Variants in ZNF665 observed in about 807,000 individuals in gnomAD.
ZNF665 encodes zinc finger protein 665.
ZNF665 carries 6 observed loss-of-function variants against 7.9 expected under a neutral mutation model. That is an observed-to-expected ratio of 0.76 (90% confidence interval 0.42 to 1.50). The LOEUF is 1.50. Ranked by LOEUF, ZNF665 falls within the 40% of genes most tolerant of loss-of-function variation. ZNF665 has a pLI of 0.01. For synonymous variants in ZNF665, 242 were observed against 274.5 expected, an observed-to-expected ratio of 0.88 and a Z score of 1.17; for missense variants, 819 against 806.7, an observed-to-expected ratio of 1.02 and a Z score of -0.18.
At chr19:53,183,528 T>C (rs999188248) in intron 1 of ZNF665, among the ~76,000 whole-genome samples, 2 of 151,874 alleles carry the variant, frequency 1.3e-5, no homozygotes, top group South Asian at 2.1e-4. Flanking sequence ...CCCCCCACCT[T>C]CTGGCTGTAC....
At chr19:53,191,172 A>G (rs1016394204) in intron 1 of ZNF665, among the ~76,000 whole-genome samples, 1 of 152,218 alleles carries the variant, frequency 6.6e-6, no homozygotes, top group Non-Finnish European at 1.5e-5. Context: ...ATTGAATTAA[A>G]TTATTGGACA....
rs907000267 is a variant in ZNF665 at position 53,163,235 on chromosome 19, G to A, written c.*1218C>T. 4 of 152,122 alleles carry A rather than the reference G, an allele frequency of 2.6e-5. No individual in the cohort carries two copies. The highest frequency in any genetic ancestry group is 7.2e-5 in the African/African-American group (3 of 41,408). The allele number at this position is 152,122 out of a possible 1,614,324, so 9.4% of individuals were successfully genotyped here. ...TTTAGTAGAGATGGGGTTTCTCCAT[G>A]TTGGTCAGGCTGGTCTCGAACTCCC... On this transcript the variant is annotated 3_prime_UTR_variant, in exon 4 of 4. Coordinates refer to ENST00000396424, the MANE Select transcript of ZNF665 (RefSeq NM_024733.5).
intron 3 of ZNF665, among the ~76,000 whole-genome samples, chr19:53,169,533 TTTA>T (rs1338940336): frequency 6.6e-6 from 1 of 152,154 alleles, no homozygotes; most frequent in Non-Finnish European, 1.5e-5. Flanking sequence ...TATTTCTTTT[TTTA>T]TTATTATTAC....
chr19:53,176,974 C>T (rs900413771), intron 2 of ZNF665, among the ~76,000 whole-genome samples: 39 of 152,086 alleles, frequency 2.6e-4, no homozygotes, highest in African/African-American at 8.9e-4. Flanking sequence ...ACAAAAATAG[C>T]CAGGTGTGGT....
chr19:53,165,686 G>T lies in ZNF665; in HGVS notation c.804C>A (p.Gly268=), dbSNP rs79950138. Residue 268 remains glycine (G), a synonymous_variant, in exon 4 of 4, where the codon GGC becomes GGA. Coordinates refer to ENST00000396424, the MANE Select transcript of ZNF665 (RefSeq NM_024733.5). ...GEKPYKCNEC[G]KAFRAHSKLT... is the part of the protein sequence containing the mutation. Reference sequence around the variant, plus strand: ...GTTTTGAATGTGCTCTAAAGGCTTTGCCACACTCATTACACTTGTAAGGTT... The same window carrying T: ...GTTTTGAATGTGCTCTAAAGGCTTTTCCACACTCATTACACTTGTAAGGTT... 5,040 of 1,613,900 alleles carry T rather than the reference G, an allele frequency of 3.1e-3. 146 individuals are homozygous for T. In the African/African-American group the frequency reaches 0.059, roughly 19 times the overall value.
In ZNF665 at chr19:53,175,711, T is replaced by C. The variant is rs963665876; in HGVS notation, c.16-140A>G. On this transcript the variant is annotated intron_variant, in intron 2 of 3. Coordinates refer to ENST00000396424, the MANE Select transcript of ZNF665 (RefSeq NM_024733.5). ...ACATCCAGGCTGTGATCACGGTACA[T>C]ACAGATTTGATCTTCCTCCCCTTTT... 1.6e-5 allele frequency: 15 copies of C among 952,280 alleles called. 1 individual carries two copies. In the African/African-American group the frequency reaches 2.3e-4, roughly 15 times the overall value. The allele number at this position is 952,280 out of a possible 1,614,324, so 59.0% of individuals were successfully genotyped here. A position where few individuals can be genotyped will look rare whatever the true frequency, so the allele number is the denominator to read the frequency against.
intron 1 of ZNF665, among the ~76,000 whole-genome samples, chr19:53,184,641 AC>A (rs1426622546): frequency 6.6e-6 from 1 of 152,196 alleles, no homozygotes; most frequent in Non-Finnish European, 1.5e-5. Flanking sequence ...GTCCGGCCCC[AC>A]AGGATTGGTG....
chr19:53,167,507 C>A (rs936379338), intron 3 of ZNF665, among the ~76,000 whole-genome samples: 86 of 149,102 alleles, frequency 5.8e-4, no homozygotes, highest in African/African-American at 2.0e-3. Flanking sequence ...CAGGCAGTGG[C>A]GCGATCTCGG....
At chr19:53,181,413 C>T (rs1210560765) in intron 2 of ZNF665, 6 of 150,380 alleles carry the variant, frequency 4.0e-5, no homozygotes, top group Non-Finnish European at 8.9e-5. Flanking sequence ...AGGGCCGGAC[C>T]TTGTATCAGA....
Position 53,162,525 on chromosome 19 carries a change from A to C in ZNF665, c.*1928T>G, listed in dbSNP as rs1418341362. 1.3e-5 allele frequency: 2 copies of C among 152,116 alleles called. No homozygotes were observed. The highest frequency in any genetic ancestry group is 1.3e-4 in the Admixed American group (2 of 15,274). The allele number at this position is 152,116 out of a possible 1,614,324, so 9.4% of individuals were successfully genotyped here. On this transcript the variant is annotated 3_prime_UTR_variant, in exon 4 of 4. Transcript: ENST00000396424. ...CCAGCAGTTAATGTAAATCCTAGTA[A>C]CAAACATGGGATTCTGGTTACTTTG...
In ZNF665 at chr19:53,166,250, G is replaced by A; in HGVS notation, c.240C>T (p.Ser80=). The A allele has an allele frequency of 6.2e-7, 1 of 1,613,928 alleles. No homozygotes were observed. Among genetic ancestry groups the A allele is most frequent in the South Asian group, 1.1e-5 (1 of 91,062 alleles). Residue 80 remains serine, a synonymous_variant, in exon 4 of 4, where the codon AGC becomes AGT. Transcript: ENST00000396424. ...GGAAGGACAAGCCTACAGTGTCACA[G>A]CTTTCAAGTCTCTCCAACTTCACCG... ...FYTVKLERLE[S]CDTVGLSFQE...
chr19:53,177,008 ACT>A (rs1270330960), intron 2 of ZNF665, among the ~76,000 whole-genome samples: 1 of 152,180 alleles, frequency 6.6e-6, no homozygotes, highest in Non-Finnish European at 1.5e-5. Flanking sequence ...GATCCCAGTT[ACT>A]TGGGAAGCTG....
chr19:53,189,638 C>T (rs1035134029), intron 1 of ZNF665, among the ~76,000 whole-genome samples: 18 of 147,562 alleles, frequency 1.2e-4, no homozygotes, highest in South Asian at 4.6e-4. Context: ...AACATGAAGG[C>T]GGACTAGGAG....
In ZNF665 at chr19:53,166,358, T is replaced by G. The variant is rs2090616107; in HGVS notation, c.143-11A>C. ...ATTTACAAGAGATATCTGTAAGATA[T>G]AAACAACCATAGATTTCCAGTTAAC... On this transcript the variant is annotated splice_polypyrimidine_tract_variant and intron_variant, in intron 3 of 3. Coordinates refer to ENST00000396424, the MANE Select transcript of ZNF665 (RefSeq NM_024733.5). The G allele has an allele frequency of 6.5e-7, 1 of 1,533,386 alleles. No individual in the cohort carries two copies. Among genetic ancestry groups the G allele is most frequent in the African/African-American group, 1.4e-5 (1 of 72,300 alleles). The allele number at this position is 1,533,386 out of a possible 1,614,324, so 95.0% of individuals were successfully genotyped here.
chr19:53,165,899 C>T lies in ZNF665; in HGVS notation c.591G>A (p.Lys197=). The change falls in exon 4 of 4, where the codon AAG becomes AAA. Residue 197 remains lysine, a synonymous_variant. Transcript: ENST00000396424. ...FSQNSRLTSH[K]RIHTGEKPYQ... Reference sequence around the variant, plus strand: ...AAGGCTTCTCTCCAGTATGAATTCTCTTATGACTTGTTAGCCGTGAGTTTT... The same window carrying T: ...AAGGCTTCTCTCCAGTATGAATTCTTTTATGACTTGTTAGCCGTGAGTTTT... The T allele has an allele frequency of 6.2e-7, 1 of 1,614,166 alleles. No homozygotes were observed. The highest frequency in any genetic ancestry group is 8.5e-7 in the Non-Finnish European group (1 of 1,180,022).
At chr19:53,171,134 A>G (rs1162749049) in intron 3 of ZNF665, among the ~76,000 whole-genome samples, 1 of 151,600 alleles carries the variant, frequency 6.6e-6, no homozygotes, top group East Asian at 1.9e-4. Flanking sequence ...ACAGGTGCCC[A>G]CCATTAGGCC....
chr19:53,166,939 C>T (rs1405157450), intron 3 of ZNF665, among the ~76,000 whole-genome samples: 1 of 152,168 alleles, frequency 6.6e-6, no homozygotes, highest in Non-Finnish European at 1.5e-5. Context: ...CCCCTATATA[C>T]CCACACAGAG....
intron 2 of ZNF665, among the ~76,000 whole-genome samples, chr19:53,178,170 C>G (rs979996387): frequency 7.2e-5 from 11 of 152,216 alleles, no homozygotes; most frequent in African/African-American, 2.7e-4. Context: ...GTCAATGTAT[C>G]TGTCCAAGGT....
At chr19:53,166,774 G>A (rs941601687) in intron 3 of ZNF665, among the ~76,000 whole-genome samples, 1 of 151,936 alleles carries the variant, frequency 6.6e-6, no homozygotes, top group Non-Finnish European at 1.5e-5. Flanking sequence ...ATACTCTAAT[G>A]GCAAATAACT....
Sources: allele counts gnomAD v4.1 joint callset (sites outside exome capture counted in the v4.1 genomes callset), GRCh38; gene constraint gnomAD v4.1.1; transcripts MANE v1.5; gene names NCBI Gene and HGNC (gene_info 2026-07-23, HGNC 2026-07-21).